ROBO2: variants seen among roughly 807,000 people sequenced by gnomAD.
ROBO2 encodes roundabout homolog 2.
In ROBO2, 53 loss-of-function variants were observed where a neutral mutation model predicts 160.8. The observed-to-expected ratio is 0.33, with a 90% CI of 0.26 to 0.41. The LOEUF (loss-of-function observed/expected upper bound fraction) is 0.41, where lower values mean the gene tolerates loss of function less well. Ranked by LOEUF, ROBO2 falls within the 10% of genes least tolerant of loss-of-function variation. ROBO2 has a pLI of 1.00. For missense variants in ROBO2, 1,577 were observed against 1,722.4 expected (o/e 0.92, Z 1.49); for synonymous variants, 664 against 611.7 (o/e 1.09, Z -1.26).
In ROBO2 at chr3:77,622,692, G is replaced by C. The variant is rs186018849; in HGVS notation, c.3760+260G>C. Among the ~76,000 whole-genome samples the C allele has an allele frequency of 4.1e-4, 62 of 152,244 alleles. 1 individual carries two copies. In the South Asian group the frequency reaches 0.013, roughly 31 times the overall value. On this transcript the variant is annotated intron_variant, in intron 23 of 25. Transcript: ENST00000461745. ...TCAATTATATCTAGGGCTTTCATGA[G>C]AAGTTCACTCTACTAGGAAACCAAG... is the stretch of plus-strand genomic sequence containing the variant.
At chr3:76,349,895 A>G (rs1289272802) in intron 2 of ROBO2, among the ~76,000 whole-genome samples, 4 of 152,048 alleles carry the variant, frequency 2.6e-5, no homozygotes, top group Admixed American at 6.6e-5. Context: ...ACTGGACAAT[A>G]AGCATGCCCG....
intron 2 of ROBO2, among the ~76,000 whole-genome samples, chr3:77,110,968 A>G (rs1414812467): frequency 1.4e-4 from 21 of 152,172 alleles, no homozygotes; most frequent in African/African-American, 3.4e-4. Flanking sequence ...TGCTGGAACT[A>G]CAGGTGTGAA....
intron 2 of ROBO2, among the ~76,000 whole-genome samples, chr3:76,255,991 C>G (rs1346059859): frequency 6.6e-6 from 1 of 151,896 alleles, no homozygotes; most frequent in East Asian, 1.9e-4. Context: ...GTATGAGTTG[C>G]TATTATATGA....
chr3:76,223,371 G>C (rs1194203629), intron 2 of ROBO2, among the ~76,000 whole-genome samples: 4 of 151,856 alleles, frequency 2.6e-5, no homozygotes, highest in African/African-American at 9.7e-5. Flanking sequence ...GATACCTTTG[G>C]TGTGGGGAAG....
chr3:76,512,322 G>GTATATATATATATATATATGTA (rs3043037), intron 2 of ROBO2, among the ~76,000 whole-genome samples: 4 of 140,484 alleles, frequency 2.8e-5, no homozygotes, highest in Admixed American at 1.4e-4. Flanking sequence ...ATATATATAT[G>GTATATATATATATATATATGTA]TATATATATA....
Position 76,768,827 on chromosome 3 carries a change from A to G in ROBO2, c.110-329187A>G, listed in dbSNP as rs776442678. Among the ~76,000 whole-genome samples the G allele has an allele frequency of 1.5e-3, 220 of 151,448 alleles. 2 individuals carry two copies. The highest frequency in any genetic ancestry group is 2.6e-3 in the Non-Finnish European group (175 of 67,552). On this transcript the variant is annotated intron_variant, in intron 2 of 26. Coordinates refer to the ROBO2 transcript ENST00000487694. ...AGTGCATAGTGAAGCACACATATAC[A>G]TAGATATACATAATTATTTTTTCAT...
chr3:76,361,807 T>C lies in ROBO2; in HGVS notation c.109+424205T>C, dbSNP rs185347781. ...ATTTGCTAATATTATACAGGAAATA[T>C]CAAAAAGTAAACTGTCTTTATATGA... On this transcript the variant is annotated intron_variant, in intron 2 of 26. Coordinates refer to the ROBO2 transcript ENST00000487694. 1.7e-3 allele frequency among the ~76,000 whole-genome samples: 261 copies of C among 152,148 alleles called. 2 individuals carry two copies. The highest frequency in any genetic ancestry group is 6.8e-3 in the Middle Eastern group (2 of 294).
intron 2 of ROBO2, among the ~76,000 whole-genome samples, chr3:77,383,993 C>G (rs2073837363): frequency 6.6e-6 from 1 of 152,102 alleles, no homozygotes; most frequent in Admixed American, 6.6e-5. Context: ...TGGAGAAGTA[C>G]TTTAGAAAGA....
At chr3:76,625,346 T>C (rs771812836) in intron 2 of ROBO2, among the ~76,000 whole-genome samples, 3 of 152,134 alleles carry the variant, frequency 2.0e-5, no homozygotes, top group Non-Finnish European at 2.9e-5. Flanking sequence ...CTACATGAAA[T>C]GTATTAAACA....
intron 2 of ROBO2, among the ~76,000 whole-genome samples, chr3:76,526,397 T>C (rs936913431): frequency 3.9e-5 from 6 of 152,060 alleles, no homozygotes; most frequent in African/African-American, 1.4e-4. Flanking sequence ...ACAAGATATT[T>C]TACCTGATTT....
chr3:77,199,608 G>T (rs1341390411), intron 2 of ROBO2, among the ~76,000 whole-genome samples: 5 of 149,280 alleles, frequency 3.3e-5, no homozygotes, highest in Admixed American at 2.0e-4. Flanking sequence ...TATTCTGATG[G>T]ACTCAGTCAC....
intron 2 of ROBO2, among the ~76,000 whole-genome samples, chr3:76,450,560 C>T (rs1226083717): frequency 6.6e-6 from 1 of 152,136 alleles, no homozygotes; most frequent in Non-Finnish European, 1.5e-5. Context: ...AAGTGATGCT[C>T]CAGCCTCATC....
intron 2 of ROBO2, among the ~76,000 whole-genome samples, chr3:76,274,603 C>G (rs996399107): frequency 6.6e-6 from 1 of 151,886 alleles, no homozygotes; most frequent in Non-Finnish European, 1.5e-5. Flanking sequence ...CTTTGGGAGG[C>G]CGAGGTGGGT....
At chr3:77,473,522 C>T (rs1434657994) in intron 2 of ROBO2, among the ~76,000 whole-genome samples, 1 of 140,548 alleles carries the variant, frequency 7.1e-6, no homozygotes, top group Non-Finnish European at 1.5e-5. Context: ...TGCATGAACT[C>T]GACTCACTGC....
chr3:76,482,565 A>G (rs17799639), intron 2 of ROBO2, among the ~76,000 whole-genome samples: 3,068 of 152,248 alleles, frequency 0.02, 47 homozygotes, highest in Middle Eastern at 0.054. Context: ...AGGTTAGGTA[A>G]CTGACTAATT....
intron 2 of ROBO2, among the ~76,000 whole-genome samples, chr3:77,430,758 C>A (rs1458246247): frequency 6.6e-6 from 1 of 152,148 alleles, no homozygotes; most frequent in Non-Finnish European, 1.5e-5. Flanking sequence ...AAATAAATTT[C>A]TGTTATTAAT....
chr3:76,222,745 C>T (rs2107419987), intron 2 of ROBO2, among the ~76,000 whole-genome samples: 1 of 151,982 alleles, frequency 6.6e-6, no homozygotes, highest in African/African-American at 2.4e-5. Flanking sequence ...ATGTTTGTTT[C>T]ACCATTATCC....
At chr3:76,687,762 T>G (rs2092715848) in intron 2 of ROBO2, among the ~76,000 whole-genome samples, 1 of 152,060 alleles carries the variant, frequency 6.6e-6, no homozygotes, top group Non-Finnish European at 1.5e-5. Flanking sequence ...GAAAAAAAGT[T>G]TTATTTTCTG....
chr3:77,031,018 T>C lies in ROBO2; in HGVS notation c.110-66996T>C, dbSNP rs555944537. Among the ~76,000 whole-genome samples the C allele has an allele frequency of 3.9e-5, 6 of 152,316 alleles. No individual in the cohort carries two copies. The East Asian group carries it at 1.2e-3, about 29-fold the overall frequency. ...CAAAGGAGTCTGCAAGAGTTGGATA[T>C]GCATGATAGTAGGTACAGCTGGTAA... On this transcript the variant is annotated intron_variant, in intron 2 of 26. Transcript: ENST00000487694.
Sources: gnomAD v4.1 joint callset for allele counts (sites outside exome capture counted in the v4.1 genomes callset) on GRCh38, gnomAD v4.1.1 for gene constraint, MANE v1.5 for transcripts, NCBI Gene and HGNC (gene_info 2026-07-23, HGNC 2026-07-21) for gene names.